HECW2: variants seen among roughly 807,000 people sequenced by gnomAD.
The protein encoded by HECW2 is E3 ubiquitin-protein ligase HECW2.
A neutral mutation model predicts 175.2 loss-of-function variants in HECW2; 61 were observed. That is an observed-to-expected ratio of 0.35 (90% CI 0.28 to 0.43). The LOEUF is 0.43. Among genes scored for constraint, HECW2 ranks in the 20% least tolerant of loss-of-function variants. The probability of loss-of-function intolerance (pLI) is 1.00; values close to 1 mark genes in which losing one functional copy is unlikely to be tolerated. For missense variants in HECW2, 1,524 were observed against 2,000.5 expected (o/e 0.76, Z 4.54); for synonymous variants, 671 against 731.0 (o/e 0.92, Z 1.32).
intron 2 of HECW2, among the ~76,000 whole-genome samples, chr2:196,405,311 C>T (rs1174407377): frequency 6.6e-6 from 1 of 152,102 alleles, no homozygotes; most frequent in Non-Finnish European, 1.5e-5. Flanking sequence ...GACTCAGGAC[C>T]ACAAATCTTG....
chr2:196,588,349 C>T (rs920379713), intron 1 of HECW2, among the ~76,000 whole-genome samples: 2 of 152,170 alleles, frequency 1.3e-5, no homozygotes, highest in African/African-American at 2.4e-5. Context: ...TTTTTCATTG[C>T]TTTTCCCTTC....
At chr2:196,241,498 C>T (rs1240764155) in intron 20 of HECW2, among the ~76,000 whole-genome samples, 1 of 152,144 alleles carries the variant, frequency 6.6e-6, no homozygotes, top group East Asian at 1.9e-4. Context: ...GCAGACTGAT[C>T]TCCAGTGGGG....
At chr2:196,581,488 C>T (rs908078949) in intron 1 of HECW2, among the ~76,000 whole-genome samples, 1 of 151,908 alleles carries the variant, frequency 6.6e-6, no homozygotes, top group Non-Finnish European at 1.5e-5. Flanking sequence ...GAGCTGAGAT[C>T]ACACCACTGA....
intron 1 of HECW2, among the ~76,000 whole-genome samples, chr2:196,567,774 G>A (rs1469733903): frequency 3.9e-5 from 6 of 152,162 alleles, no homozygotes. Flanking sequence ...AAAAATTTCA[G>A]TAGTAGGATG....
At chr2:196,276,812 C>T (rs1163828583) in intron 15 of HECW2, among the ~76,000 whole-genome samples, 1 of 152,184 alleles carries the variant, frequency 6.6e-6, no homozygotes. Flanking sequence ...TCTGCACTTA[C>T]AACCAGCAAA....
At chr2:196,237,910 A>G (rs1688311260) in intron 21 of HECW2, among the ~76,000 whole-genome samples, 1 of 152,246 alleles carries the variant, frequency 6.6e-6, no homozygotes, top group African/African-American at 2.4e-5. Context: ...GCTTAGTGTT[A>G]GAATCAGCCA....
At chr2:196,318,269 G>T (rs1185113557) in intron 9 of HECW2, among the ~76,000 whole-genome samples, 1 of 152,178 alleles carries the variant, frequency 6.6e-6, no homozygotes, top group African/African-American at 2.4e-5. Context: ...AAACCATGCT[G>T]CCTTCTTCCT....
intron 1 of HECW2, among the ~76,000 whole-genome samples, chr2:196,457,103 C>A (rs1358401): frequency 6.6e-6 from 1 of 151,978 alleles, no homozygotes; most frequent in Non-Finnish European, 1.5e-5. Flanking sequence ...TGAGTAGGTA[C>A]GGCATGGAAT....
intron 6 of HECW2, among the ~76,000 whole-genome samples, chr2:196,323,886 C>T (rs1692039594): frequency 6.8e-6 from 1 of 146,598 alleles, no homozygotes; most frequent in Non-Finnish European, 1.5e-5. Context: ...GACTAAGTGG[C>T]ATGCCCTTAA....
chr2:196,231,549 C>T (rs1688057061), intron 21 of HECW2, among the ~76,000 whole-genome samples: 1 of 152,190 alleles, frequency 6.6e-6, no homozygotes, highest in South Asian at 2.1e-4. Flanking sequence ...TGTCCGCTTT[C>T]CTGCTACAAG....
intron 1 of HECW2, among the ~76,000 whole-genome samples, chr2:196,497,563 C>G (rs1250622197): frequency 1.3e-5 from 2 of 152,114 alleles, no homozygotes; most frequent in Non-Finnish European, 2.9e-5. Flanking sequence ...TTAGCAACAG[C>G]CTTAGAAGCA....
intron 1 of HECW2, among the ~76,000 whole-genome samples, chr2:196,541,840 AT>A (rs1330713075): frequency 5.9e-5 from 9 of 152,182 alleles, no homozygotes; most frequent in Middle Eastern, 3.2e-3. Flanking sequence ...TTTCAGAAAA[AT>A]GTTCAACATT....
intron 2 of HECW2, among the ~76,000 whole-genome samples, chr2:196,394,521 C>T: frequency 6.6e-6 from 1 of 151,966 alleles, no homozygotes. Flanking sequence ...AATAAACATC[C>T]CCCCTTTAGA....
At chr2:196,271,555 T>A (rs536039930) in intron 16 of HECW2, among the ~76,000 whole-genome samples, 5 of 152,148 alleles carry the variant, frequency 3.3e-5, no homozygotes, top group Non-Finnish European at 7.4e-5. Flanking sequence ...CCCAAAGTGC[T>A]AGGATTACAG....
intron 25 of HECW2, 79 bp downstream of exon 25, chr2:196,220,716 A>C: frequency 1.4e-6 from 2 of 1,416,862 alleles, no homozygotes; most frequent in East Asian, 2.3e-5. Context: ...AATAGTCTAC[A>C]CATGTAAAGT....
At chr2:196,446,799 A>G (rs1312222950) in intron 1 of HECW2, among the ~76,000 whole-genome samples, 1 of 152,232 alleles carries the variant, frequency 6.6e-6, no homozygotes, top group African/African-American at 2.4e-5. Context: ...CCACATTAGG[A>G]AGAAAGGGCA....
intron 1 of HECW2, among the ~76,000 whole-genome samples, chr2:196,505,280 T>G (rs1343129705): frequency 6.6e-6 from 1 of 152,156 alleles, no homozygotes; most frequent in Non-Finnish European, 1.5e-5. Context: ...GGCTCACGCT[T>G]GTAATCCCAG....
At chr2:196,215,608 G>A (rs1190806308) in intron 28 of HECW2, among the ~76,000 whole-genome samples, 3 of 152,136 alleles carry the variant, frequency 2.0e-5, no homozygotes, top group South Asian at 2.1e-4. Context: ...GATAACCAAC[G>A]TCGCTTTACT....
At chr2:196,550,000 A>G (rs7582456) in intron 1 of HECW2, among the ~76,000 whole-genome samples, 54,116 of 152,114 alleles carry the variant, frequency 0.36, 13,143 homozygotes, top group African/African-American at 0.7. Context: ...CTTCACTGAT[A>G]AACACAGAAT....
Sources: allele counts gnomAD v4.1 joint callset (sites outside exome capture counted in the v4.1 genomes callset), GRCh38; gene constraint gnomAD v4.1.1; transcripts MANE v1.5; gene names NCBI Gene and HGNC (gene_info 2026-07-23, HGNC 2026-07-21).